FOXK1: variants seen among roughly 807,000 people sequenced by gnomAD.
The protein encoded by FOXK1 is forkhead box protein K1.
A neutral mutation model predicts 51.9 loss-of-function variants in FOXK1; 19 were observed. The ratio of observed to expected loss-of-function variants is 0.37; its 90% CI spans 0.26 to 0.54. FOXK1 has a LOEUF of 0.54. FOXK1 is among the 20% of genes least tolerant of loss of function. FOXK1 has a pLI of 0.87. For synonymous variants in FOXK1, 537 were observed against 482.6 expected, an observed-to-expected ratio of 1.11 and a Z score of -1.48; for missense variants, 870 against 1,032.7, an observed-to-expected ratio of 0.84 and a Z score of 2.16.
chr7:4,714,059 C>T lies in FOXK1; in HGVS notation c.561-26779C>T, dbSNP rs145392409. On this transcript the variant is annotated intron_variant, in intron 1 of 8. Coordinates refer to ENST00000328914, the MANE Select transcript of FOXK1 (RefSeq NM_001037165.2). ...CAGGCTGGTCTTGAACTCCTGACCT[C>T]GGGTGATCCACCCACCTCAGCTTCC... Among the ~76,000 whole-genome samples, 17 of 152,212 alleles carry T rather than the reference C, an allele frequency of 1.1e-4. No homozygotes were observed. In the East Asian group the frequency reaches 2.9e-3, roughly 26 times the overall value.
Position 4,759,114 on chromosome 7 carries a change from C to T in FOXK1, c.1308C>T (p.Thr436=), listed in dbSNP as rs776720725. Residue 436 remains threonine, a synonymous_variant, in exon 6 of 9, where the codon ACC becomes ACT. Coordinates refer to ENST00000328914, the MANE Select transcript of FOXK1 (RefSeq NM_001037165.2). Reference sequence around the variant, plus strand: ...CCCCTCGCTCCGGCGGCCTGCAGACCCCAGAGTGCCTGTCTCGGGAGGGCT... The same window carrying T: ...CCCCTCGCTCCGGCGGCCTGCAGACTCCAGAGTGCCTGTCTCGGGAGGGCT... ...LMSPRSGGLQ[T]PECLSREGSP... is the part of the protein sequence containing the mutation. 12 of 1,611,950 alleles carry T rather than the reference C, an allele frequency of 7.4e-6. No homozygotes were observed. Among genetic ancestry groups the T allele is most frequent in the South Asian group, 1.1e-5 (1 of 91,088 alleles).
Position 4,723,257 on chromosome 7 carries a change from G to T in FOXK1, c.561-17581G>T, listed in dbSNP as rs1175179360. Among the ~76,000 whole-genome samples, 1 of 151,966 alleles carries T rather than the reference G, an allele frequency of 6.6e-6. No individual in the cohort carries two copies. Among genetic ancestry groups the T allele is most frequent in the African/African-American group, 2.4e-5 (1 of 41,384 alleles). ...CCCCCGGCTCAGCACCGAGCAAGTG[G>T]GCCTGGACCCTGAAGGATGTGGCTG... On this transcript the variant is annotated intron_variant, in intron 1 of 8. Transcript: ENST00000328914. This position sits in a 1 kb window ranked among gnomAD's most constrained non-coding sequence, Gnocchi z 4.7.
intron 2 of FOXK1, among the ~76,000 whole-genome samples, chr7:4,741,895 G>T (rs1037227011): frequency 6.6e-6 from 1 of 152,250 alleles, no homozygotes; most frequent in Non-Finnish European, 1.5e-5. Context: ...CAGCCTGGAT[G>T]CATGGCACAC....
intron 1 of FOXK1, among the ~76,000 whole-genome samples, chr7:4,737,547 C>CGTGTGTGTGTGTGTGT (rs1562384009): frequency 8.6e-6 from 1 of 115,696 alleles, no homozygotes; most frequent in African/African-American, 3.8e-5. Flanking sequence ...CACGTGTGTG[C>CGTGTGTGTGTGTGTGT]GTGCCTGTGT....
chr7:4,688,899 C>T (rs1281189755), intron 1 of FOXK1, among the ~76,000 whole-genome samples: 7 of 151,944 alleles, frequency 4.6e-5, no homozygotes, highest in African/African-American at 2.4e-5. Context: ...GTGAAAATGT[C>T]TGGGTGTCCC....
chr7:4,693,071 C>T (rs565606034), intron 1 of FOXK1, among the ~76,000 whole-genome samples: 4 of 152,090 alleles, frequency 2.6e-5, no homozygotes, highest in Non-Finnish European at 5.9e-5. Flanking sequence ...TACTGTGTTA[C>T]GTTAAAACCT....
intron 7 of FOXK1, among the ~76,000 whole-genome samples, chr7:4,760,205 C>T (rs1780913353): frequency 6.6e-6 from 1 of 152,192 alleles, no homozygotes; most frequent in East Asian, 1.9e-4. Flanking sequence ...CCTGGGAAGA[C>T]TGTTCTTTTC....
chr7:4,717,512 T>C (rs1356143838), intron 1 of FOXK1, among the ~76,000 whole-genome samples: 2 of 143,342 alleles, frequency 1.4e-5, no homozygotes, highest in South Asian at 2.3e-4. Context: ...GGCTGGGAGG[T>C]GCCTGGCTGG....
In FOXK1 at chr7:4,687,440, A is replaced by C. The variant is rs569303760; in HGVS notation, c.560+4572A>C. On this transcript the variant is annotated intron_variant, in intron 1 of 8. Transcript: ENST00000328914. ...CCTGAGTAGCTGGGATTACAGGCGC[A>C]CGTCACCACGCCTGGCTAATTTTTG... is the stretch of plus-strand genomic sequence containing the variant. Among the ~76,000 whole-genome samples, 503 of 151,450 alleles carry C rather than the reference A, an allele frequency of 3.3e-3. 3 individuals carry two copies. The highest frequency in any genetic ancestry group is 0.012 in the African/African-American group (476 of 41,220).
intron 1 of FOXK1, among the ~76,000 whole-genome samples, chr7:4,725,584 G>A (rs1780370268): frequency 1.3e-5 from 2 of 152,268 alleles, no homozygotes; most frequent in Admixed American, 6.5e-5. Context: ...GCCAGTCTGC[G>A]TGAACGGACT....
rs1488744962 is a variant in FOXK1 at position 4,734,501 on chromosome 7, C to T, written c.561-6337C>T. 9.2e-5 allele frequency among the ~76,000 whole-genome samples: 14 copies of T among 152,230 alleles called. No homozygotes were observed. Among genetic ancestry groups the T allele is most frequent in the African/African-American group, 3.1e-4 (13 of 41,462 alleles). ...CAAACTCCTTTGCCTCAGTCCCTGT[C>T]TTCCTTGATGGGGGCATTCCCCAAG... is the stretch of plus-strand genomic sequence containing the variant. On this transcript the variant is annotated intron_variant, in intron 1 of 8. Coordinates refer to ENST00000328914, the MANE Select transcript of FOXK1 (RefSeq NM_001037165.2). This position sits in a 1 kb window ranked among gnomAD's most constrained non-coding sequence, Gnocchi z 5.2.
chr7:4,732,328 C>T (rs1371751272), intron 1 of FOXK1, among the ~76,000 whole-genome samples: 1 of 152,138 alleles, frequency 6.6e-6, no homozygotes, highest in African/African-American at 2.4e-5. Flanking sequence ...CGACAGTTCT[C>T]CATTCATTCA....
intron 2 of FOXK1, among the ~76,000 whole-genome samples, chr7:4,741,330 T>G (rs4720402): frequency 0.51 from 77,610 of 151,598 alleles, 20,843 homozygotes; most frequent in East Asian, 0.85. Flanking sequence ...AATGTTTTTT[T>G]TTTGTTTGTT....
chr7:4,715,707 C>T lies in FOXK1; in HGVS notation c.561-25131C>T, dbSNP rs921692794. ...GCTTGTCAAGTCAGTCTGTAGTGCA[C>T]GCCGTTAGATTGGTTGTCATTGGCC... On this transcript the variant is annotated intron_variant, in intron 1 of 8. Coordinates refer to ENST00000328914, the MANE Select transcript of FOXK1 (RefSeq NM_001037165.2). This position sits in a 1 kb window ranked among gnomAD's most constrained non-coding sequence, Gnocchi z 4.5. Among the ~76,000 whole-genome samples, 1 of 152,162 alleles carries T rather than the reference C, an allele frequency of 6.6e-6. No individual in the cohort carries two copies. The highest frequency in any genetic ancestry group is 2.4e-5 in the African/African-American group (1 of 41,444).
At chr7:4,738,783 G>A (rs563059812) in intron 1 of FOXK1, among the ~76,000 whole-genome samples, 86 of 152,242 alleles carry the variant, frequency 5.6e-4, no homozygotes, top group South Asian at 1.5e-3. Context: ...TGAACGATGC[G>A]GCCCAGCCTC....
Position 4,683,015 on chromosome 7 carries a change from G to T in FOXK1, c.560+147G>T, listed in dbSNP as rs1779772740. On this transcript the variant is annotated intron_variant, in intron 1 of 8. Coordinates refer to ENST00000328914, the MANE Select transcript of FOXK1 (RefSeq NM_001037165.2). This position sits in a 1 kb window ranked among gnomAD's most constrained non-coding sequence, Gnocchi z 4.5. ...ACCCCCGGTAACCCCCGACCGGCCT[G>T]GACTCCGGGGTCAACCCCGACCCCC... 1 of 769,636 alleles carries T rather than the reference G, an allele frequency of 1.3e-6. No individual in the cohort carries two copies. The highest frequency in any genetic ancestry group is 2.1e-5 in the South Asian group (1 of 47,126). 47.7% of individuals were successfully genotyped at this position (769,636 alleles called of 1,614,324 possible).
At chr7:4,744,701 G>A (rs1780678555) in intron 2 of FOXK1, among the ~76,000 whole-genome samples, 1 of 152,284 alleles carries the variant, frequency 6.6e-6, no homozygotes, top group Admixed American at 6.5e-5. Context: ...CCCCGTCAGG[G>A]GGTGCGAGCA....
intron 1 of FOXK1, among the ~76,000 whole-genome samples, chr7:4,726,610 A>T (rs1047423437): frequency 2.6e-5 from 4 of 151,384 alleles, no homozygotes; most frequent in African/African-American, 9.7e-5. Flanking sequence ...CGACAGAGCG[A>T]GACTCCGTCT....
chr7:4,699,902 C>T (rs1780000182), intron 1 of FOXK1, among the ~76,000 whole-genome samples: 1 of 152,146 alleles, frequency 6.6e-6, no homozygotes, highest in Admixed American at 6.5e-5. Flanking sequence ...TCTCTTTGTT[C>T]CAGTATCTTA....
Sources: allele counts gnomAD v4.1 joint callset (sites outside exome capture counted in the v4.1 genomes callset), GRCh38; gene constraint gnomAD v4.1.1; non-coding constraint Gnocchi (gnomAD v3.1); transcripts MANE v1.5; gene names NCBI Gene and HGNC (gene_info 2026-07-23, HGNC 2026-07-21).